Variants in ABCB4 observed in about 807,000 individuals in gnomAD.
ABCB4 encodes the protein phosphatidylcholine translocator ABCB4.
In ABCB4, 76 loss-of-function variants were observed where a neutral mutation model predicts 145.7. That is an observed-to-expected ratio of 0.52 (90% CI 0.43 to 0.63). The LOEUF (loss-of-function observed/expected upper bound fraction) is 0.63, where lower values mean the gene tolerates loss of function less well. Among genes scored for constraint, ABCB4 ranks in the 30% least tolerant of loss-of-function variants. The probability of loss-of-function intolerance (pLI) is 0.00; values close to 1 mark genes in which losing one functional copy is unlikely to be tolerated. For synonymous variants in ABCB4, 517 were observed against 566.8 expected, an observed-to-expected ratio of 0.91 and a Z score of 1.25; for missense variants, 1,234 against 1,553.1, an observed-to-expected ratio of 0.79 and a Z score of 3.45.
chr7:87,422,250 C>A, intron 17 of ABCB4, 25 bp from the exon 18 acceptor site: 1 of 1,550,108 alleles, frequency 6.5e-7, no homozygotes. Flanking sequence ...TTAAAACGCC[C>A]ACTTGGATTA....
intron 10 of ABCB4, among the ~76,000 whole-genome samples, chr7:87,444,083 G>A (rs1392464256): frequency 2.0e-5 from 3 of 152,046 alleles, no homozygotes; most frequent in Non-Finnish European, 4.4e-5. Context: ...ATTTATACAA[G>A]TGCAATAACA....
Position 87,454,577 on chromosome 7 carries a change from G to A in ABCB4, c.302C>T (p.Ser101Leu), listed in dbSNP as rs182989205. The change falls in exon 5 of 28, where the codon TCG (serine) becomes TTG (leucine). Residue 101 changes from serine (S) to leucine (L), a missense_variant. Transcript: ENST00000649586. ...NFSFPVNFSL[S>L]LLNPGKILEE... ...CAGAATTTTGCCTGGATTTAGCAGC[G>A]ACAAGGAAAAGTTCACTAAATTAAA... 2.1e-5 allele frequency: 34 copies of A among 1,610,586 alleles called. No homozygotes were observed. The highest frequency in any genetic ancestry group is 1.6e-4 in the East Asian group (7 of 44,746).
intron 3 of ABCB4, among the ~76,000 whole-genome samples, chr7:87,471,364 T>C (rs1813385341): frequency 6.6e-6 from 1 of 151,962 alleles, no homozygotes. Context: ...TAAAGTATAA[T>C]TTAAACAAAT....
chr7:87,405,282 AT>A (rs1442413776), intron 26 of ABCB4, among the ~76,000 whole-genome samples: 1 of 152,230 alleles, frequency 6.6e-6, no homozygotes, highest in African/African-American at 2.4e-5. Context: ...TTTATAAAAC[AT>A]TTTTAAAATA....
At chr7:87,398,776 A>G, downstream of ABCB4, 1 of 834,922 alleles carries the variant, frequency 1.2e-6, no homozygotes, top group Non-Finnish European at 1.8e-6. Flanking sequence ...AACTTGTTAA[A>G]TGTAGAAATT....
At chr7:87,438,405 A>G (rs1810751333) in intron 14 of ABCB4, among the ~76,000 whole-genome samples, 3 of 152,198 alleles carry the variant, frequency 2.0e-5, no homozygotes, top group Admixed American at 2.0e-4. Context: ...AGAATTTGTA[A>G]GGAATAATTA....
intron 15 of ABCB4, among the ~76,000 whole-genome samples, chr7:87,428,230 A>G (rs1217005205): frequency 2.6e-5 from 4 of 152,150 alleles, no homozygotes; most frequent in African/African-American, 9.7e-5. Flanking sequence ...TGTCTCTTTC[A>G]TAATATTTTT....
At chr7:87,460,412 G>A (rs1354791311) in intron 4 of ABCB4, among the ~76,000 whole-genome samples, 1 of 152,136 alleles carries the variant, frequency 6.6e-6, no homozygotes, top group Non-Finnish European at 1.5e-5. Flanking sequence ...ATAATACCTA[G>A]TATTTGGTTT....
the ABCB4 span, among the ~76,000 whole-genome samples, chr7:87,394,828 A>T: frequency 6.6e-6 from 1 of 152,330 alleles, no homozygotes; most frequent in South Asian, 2.1e-4. Flanking sequence ...AGCAAAGGAT[A>T]GTTTGATAAT....
At chr7:87,372,709 T>G in the ABCB4 span, among the ~76,000 whole-genome samples, 1 of 152,188 alleles carries the variant, frequency 6.6e-6, no homozygotes, top group African/African-American at 2.4e-5. Flanking sequence ...TTACAACATG[T>G]AGCCTTTTGT....
At chr7:87,442,169 A>T (rs1446477049) in intron 12 of ABCB4, among the ~76,000 whole-genome samples, 3 of 152,088 alleles carry the variant, frequency 2.0e-5, no homozygotes, top group Admixed American at 1.3e-4. Context: ...GGTTCTTTTT[A>T]AAAAATAAAG....
At chr7:87,457,680 A>G (rs1222615603) in intron 4 of ABCB4, among the ~76,000 whole-genome samples, 4 of 152,208 alleles carry the variant, frequency 2.6e-5, no homozygotes, top group African/African-American at 7.2e-5. Flanking sequence ...ACTTAATTCT[A>G]TCAGTAAATT....
chr7:87,449,823 T>A, intron 8 of ABCB4, 145 bp downstream of exon 8: 1 of 1,202,242 alleles, frequency 8.3e-7, no homozygotes, highest in Non-Finnish European at 1.2e-6. Context: ...GACATTCAAC[T>A]ATAGCCATCA....
chr7:87,450,602 C>G (rs946163762), intron 7 of ABCB4, among the ~76,000 whole-genome samples: 1 of 151,848 alleles, frequency 6.6e-6, no homozygotes, highest in Non-Finnish European at 1.5e-5. Flanking sequence ...TCCCGAGTAG[C>G]TGGGACTACA....
At chr7:87,468,857 G>A (rs1469267309) in intron 3 of ABCB4, among the ~76,000 whole-genome samples, 2 of 151,924 alleles carry the variant, frequency 1.3e-5, no homozygotes, top group Admixed American at 6.6e-5. Flanking sequence ...CGTGAACCCG[G>A]GAGGCGCAGC....
At chr7:87,454,388 A>C in intron 5 of ABCB4, 147 bp downstream of exon 5, 1 of 650,380 alleles carries the variant, frequency 1.5e-6, no homozygotes, top group Non-Finnish European at 2.7e-6. Flanking sequence ...TGTGCATCTT[A>C]CTTTAAATTG....
chr7:87,407,924 T>C, intron 25 of ABCB4, 113 bp downstream of exon 25: 1 of 1,368,744 alleles, frequency 7.3e-7, no homozygotes, highest in Non-Finnish European at 1.0e-6. Context: ...AATGTGGTCA[T>C]TGTATCAAAC....
chr7:87,391,219 T>C, the ABCB4 span, among the ~76,000 whole-genome samples: 2 of 152,224 alleles, frequency 1.3e-5, no homozygotes, highest in African/African-American at 4.8e-5. Context: ...TGTAACCTAA[T>C]TGCAGATGTG....
the ABCB4 span, chr7:87,377,505 A>G: frequency 9.9e-7 from 1 of 1,006,914 alleles, no homozygotes; most frequent in South Asian, 1.3e-5. Context: ...AATTAATGAC[A>G]ATAAACCATA....
Sources: gnomAD v4.1 joint callset for allele counts (sites outside exome capture counted in the v4.1 genomes callset) on GRCh38, gnomAD v4.1.1 for gene constraint, MANE v1.5 for transcripts, NCBI Gene and HGNC (gene_info 2026-07-23, HGNC 2026-07-21) for gene names.